ITGA8: variants seen among roughly 807,000 people sequenced by gnomAD.
ITGA8 encodes the protein integrin subunit alpha 8.
A neutral mutation model predicts 142.3 loss-of-function variants in ITGA8; 91 were observed. The ratio of observed to expected loss-of-function variants is 0.64; its 90% confidence interval spans 0.54 to 0.76. The LOEUF (loss-of-function observed/expected upper bound fraction) is 0.76. ITGA8 is among the 30% of genes least tolerant of loss of function. The pLI is 0.00. For missense variants in ITGA8, 1,406 were observed against 1,327.7 expected (o/e 1.06, Z -0.92); for synonymous variants, 505 against 485.2 (o/e 1.04, Z -0.54).
At chr10:15,574,127 T>A (rs1469496198) in intron 24 of ITGA8, among the ~76,000 whole-genome samples, 1 of 152,124 alleles carries the variant, frequency 6.6e-6, no homozygotes, top group African/African-American at 2.4e-5. Context: ...CAGCCATATA[T>A]GTTGGCTTCT....
chr10:15,572,384 C>A lies in ITGA8; in HGVS notation c.2479-15G>T, dbSNP rs1179497939. On this transcript the variant is annotated splice_polypyrimidine_tract_variant and intron_variant, in intron 24 of 29. Coordinates refer to ENST00000378076, the MANE Select transcript of ITGA8 (RefSeq NM_003638.3). Reference sequence around the variant, plus strand: ...ATATTGTGCAGCTGTAAACAAGTGACATGTTATCTAATGACCCAGCAGAAG... The same window carrying A: ...ATATTGTGCAGCTGTAAACAAGTGAAATGTTATCTAATGACCCAGCAGAAG... 6.2e-7 allele frequency: 1 copy of A among 1,612,248 alleles called. No homozygotes were observed. The highest frequency in any genetic ancestry group is 8.5e-7 in the Non-Finnish European group (1 of 1,178,956).
chr10:15,526,944 T>A (rs183574797), intron 28 of ITGA8, among the ~76,000 whole-genome samples: 26 of 152,338 alleles, frequency 1.7e-4, no homozygotes, highest in African/African-American at 6.3e-4. Context: ...ATTTATGATA[T>A]GTTTTTGTAT....
intron 13 of ITGA8, among the ~76,000 whole-genome samples, chr10:15,618,535 A>G (rs1177776688): frequency 6.6e-6 from 1 of 152,188 alleles, no homozygotes; most frequent in African/African-American, 2.4e-5. Flanking sequence ...AGTATTGTTC[A>G]TGGGTGTGTC....
At chr10:15,556,432 C>A (rs1164634686) in intron 26 of ITGA8, among the ~76,000 whole-genome samples, 1 of 152,172 alleles carries the variant, frequency 6.6e-6, no homozygotes, top group Non-Finnish European at 1.5e-5. Flanking sequence ...GACTGAGCTT[C>A]TGAACTGCAG....
At chr10:15,553,546 C>T (rs1833831428) in intron 26 of ITGA8, among the ~76,000 whole-genome samples, 1 of 152,184 alleles carries the variant, frequency 6.6e-6, no homozygotes, top group Non-Finnish European at 1.5e-5. Flanking sequence ...TAAGTACGTT[C>T]ACAATGTTGT....
chr10:15,597,447 G>C, intron 20 of ITGA8, 148 bp from the exon 21 acceptor site: 1 of 619,596 alleles, frequency 1.6e-6, no homozygotes. Context: ...CCTTAACTCA[G>C]AAGAGAAAAT....
At chr10:15,601,132 G>A (rs139433486) in intron 20 of ITGA8, among the ~76,000 whole-genome samples, 35 of 152,098 alleles carry the variant, frequency 2.3e-4, no homozygotes, top group African/African-American at 5.8e-4. Flanking sequence ...CCAGCTACCC[G>A]GGAGGCTGAG....
intron 26 of ITGA8, among the ~76,000 whole-genome samples, chr10:15,553,517 G>T (rs187343956): frequency 1.1e-3 from 169 of 152,268 alleles, no homozygotes; most frequent in African/African-American, 4.0e-3. Context: ...CCATTTTAAA[G>T]TGTGCAGTTT....
At chr10:15,578,746 A>G (rs1834345766) in intron 23 of ITGA8, among the ~76,000 whole-genome samples, 1 of 152,090 alleles carries the variant, frequency 6.6e-6, no homozygotes, top group Non-Finnish European at 1.5e-5. Context: ...CTCTCTTAGT[A>G]CATACCCATT....
At chr10:15,560,045 C>T (rs1256944044) in intron 25 of ITGA8, among the ~76,000 whole-genome samples, 2 of 151,932 alleles carry the variant, frequency 1.3e-5, no homozygotes, top group African/African-American at 2.4e-5. Context: ...TTTGGGAGGC[C>T]GAGTCAGGAG....
At chr10:15,674,931 C>T (rs1834598248) in intron 6 of ITGA8, among the ~76,000 whole-genome samples, 1 of 81,418 alleles carries the variant, frequency 1.2e-5, no homozygotes, top group Non-Finnish European at 2.8e-5. Context: ...CAAAATGAGA[C>T]TCGTCTCAAA....
At chr10:15,525,919 A>G (rs545079099) in intron 28 of ITGA8, among the ~76,000 whole-genome samples, 1 of 152,196 alleles carries the variant, frequency 6.6e-6, no homozygotes, top group Non-Finnish European at 1.5e-5. Context: ...TTTGCAGCAC[A>G]TAACAATTGC....
chr10:15,584,286 G>T (rs1038885224), intron 23 of ITGA8, among the ~76,000 whole-genome samples: 2 of 139,152 alleles, frequency 1.4e-5, no homozygotes, highest in Non-Finnish European at 3.2e-5. Flanking sequence ...GATGCAGCGA[G>T]ACTGTCAAGA....
intron 23 of ITGA8, among the ~76,000 whole-genome samples, chr10:15,585,642 A>G (rs117808901): frequency 6.6e-5 from 10 of 152,326 alleles, no homozygotes; most frequent in Non-Finnish European, 1.5e-4. Context: ...AAAAACCAGA[A>G]TCATCAGAAA....
In ITGA8 at chr10:15,548,445, T is replaced by G. The variant is rs180715941; in HGVS notation, c.2880+10A>C. The G allele has an allele frequency of 5.3e-5, 84 of 1,592,058 alleles. No individual in the cohort carries two copies. The East Asian group carries it at 1.3e-3, about 25-fold the overall frequency. ...AGCAGTGTGTATGTGCTTCTGTGGT[T>G]GTTTATTACCTGGAGGAAGGTGTGG... On this transcript the variant is annotated intron_variant, in intron 27 of 29. Coordinates refer to ENST00000378076, the MANE Select transcript of ITGA8 (RefSeq NM_003638.3).
At chr10:15,695,345 T>C (rs1564413190) in intron 2 of ITGA8, among the ~76,000 whole-genome samples, 1 of 152,172 alleles carries the variant, frequency 6.6e-6, no homozygotes, top group African/African-American at 2.4e-5. Context: ...CTTTCTAAAA[T>C]TCTGTTTTAT....
chr10:15,570,621 A>G (rs1834162610), intron 25 of ITGA8, among the ~76,000 whole-genome samples: 1 of 151,354 alleles, frequency 6.6e-6, no homozygotes, highest in African/African-American at 2.4e-5. Context: ...AAAAAAAAAA[A>G]AAAAAAAAAA....
rs183201049 is a variant in ITGA8 at position 15,540,285 on chromosome 10, C to T, written c.2880+8170G>A. On this transcript the variant is annotated intron_variant, in intron 27 of 29. Coordinates refer to ENST00000378076, the MANE Select transcript of ITGA8 (RefSeq NM_003638.3). ...ACCCTTTAACCAACCTCTTTTCATCCCTGTTCCCCACCTTCCCTTCCCAGC... is the reference window on the plus strand; with the variant it reads ...ACCCTTTAACCAACCTCTTTTCATCTCTGTTCCCCACCTTCCCTTCCCAGC... Among the ~76,000 whole-genome samples the T allele has an allele frequency of 1.6e-3, 236 of 152,232 alleles. 1 individual carries two copies. Among genetic ancestry groups the T allele is most frequent in the African/African-American group, 5.2e-3 (218 of 41,534 alleles).
chr10:15,547,476 G>T (rs1384194491), intron 27 of ITGA8, among the ~76,000 whole-genome samples: 1 of 152,164 alleles, frequency 6.6e-6, no homozygotes, highest in Non-Finnish European at 1.5e-5. Context: ...GGAGGCTGAG[G>T]CAGGAGAATT....
Sources: allele counts gnomAD v4.1 joint callset (sites outside exome capture counted in the v4.1 genomes callset), GRCh38; gene constraint gnomAD v4.1.1; transcripts MANE v1.5; gene names NCBI Gene and HGNC (gene_info 2026-07-23, HGNC 2026-07-21).